The following FCHO2 variants were observed in gnomAD, a reference collection of about 807,000 sequenced individuals.
FCHO2 encodes the protein FCH and mu domain containing endocytic adaptor 2, also known as F-BAR domain only protein 2.
Under a neutral mutation model 114.1 loss-of-function variants are expected in FCHO2, and 43 were observed. That is an observed-to-expected ratio of 0.38 (90% confidence interval 0.30 to 0.49). The LOEUF (loss-of-function observed/expected upper bound fraction) is 0.49. Ranked by LOEUF, FCHO2 falls within the 20% of genes least tolerant of loss-of-function variation. FCHO2 has a pLI of 0.97. For synonymous variants in FCHO2, 293 were observed against 315.2 expected (o/e 0.93, Z 0.75); for missense variants, 807 against 950.4 (o/e 0.85, Z 1.98).
At position 73,081,966 on chromosome 5, in the gene FCHO2, C is replaced by A; in HGVS notation, c.2164C>A (p.Leu722Ile). 1 of 1,536,020 alleles carries A rather than the reference C, an allele frequency of 6.5e-7. No homozygotes were observed. The highest frequency in any genetic ancestry group is 8.8e-7 in the Non-Finnish European group (1 of 1,137,660). The change falls in exon 23 of 26, where the codon CTT becomes ATT. Residue 722 changes from leucine to isoleucine, a missense_variant. Coordinates refer to ENST00000430046, the MANE Select transcript of FCHO2 (RefSeq NM_138782.3). Reference sequence around the variant, plus strand: ...TGGAGGAGTAACGAACATGCAGTCCCTTCCCCCTGCAATATGGTAAATTAA... The same window carrying A: ...TGGAGGAGTAACGAACATGCAGTCCATTCCCCCTGCAATATGGTAAATTAA... The part of the protein sequence containing the change: ...VDGGVTNMQS[L>I]PPAIWNAEQM...
chr5:73,074,474 C>CT (rs1335140763), intron 19 of FCHO2, among the ~76,000 whole-genome samples: 1 of 151,824 alleles, frequency 6.6e-6, no homozygotes, highest in Non-Finnish European at 1.5e-5. Flanking sequence ...TAGTCAAGGG[C>CT]TTTTTTATTC....
At chr5:72,957,740 C>T (rs1579988911) in intron 1 of FCHO2, among the ~76,000 whole-genome samples, 1 of 152,132 alleles carries the variant, frequency 6.6e-6, no homozygotes, top group East Asian at 1.9e-4. Context: ...CTATGTTTAA[C>T]ATTTTGAGGA....
chr5:73,001,606 A>G (rs1190713033), intron 5 of FCHO2, among the ~76,000 whole-genome samples: 1 of 150,488 alleles, frequency 6.6e-6, no homozygotes. Flanking sequence ...TTGATTTGTA[A>G]TTTCCTTAGG....
intron 2 of FCHO2, among the ~76,000 whole-genome samples, chr5:72,971,494 GTCT>G (rs1468390066): frequency 6.6e-6 from 1 of 152,180 alleles, no homozygotes; most frequent in Non-Finnish European, 1.5e-5. Context: ...CTGCATAAAT[GTCT>G]TCTTTTGAGA....
At chr5:73,038,961 C>T (rs1756667527) in intron 10 of FCHO2, among the ~76,000 whole-genome samples, 2 of 152,228 alleles carry the variant, frequency 1.3e-5, no homozygotes, top group East Asian at 1.9e-4. Flanking sequence ...GGTTTCATTA[C>T]TGTTCATGTA....
At chr5:72,971,358 A>G (rs1481961917) in intron 2 of FCHO2, among the ~76,000 whole-genome samples, 4 of 151,730 alleles carry the variant, frequency 2.6e-5, no homozygotes, top group Non-Finnish European at 1.5e-5. Flanking sequence ...CCTCTCCAGC[A>G]CCTGTTGTTT....
intron 6 of FCHO2, among the ~76,000 whole-genome samples, chr5:73,008,854 A>G (rs933054316): frequency 1.3e-5 from 2 of 152,222 alleles, no homozygotes; most frequent in African/African-American, 4.8e-5. Context: ...GGTATATGGC[A>G]TTCTAAATAA....
rs1751973276 is a variant in FCHO2 at position 72,963,234 on chromosome 5, A to ACTG, written c.34-5264_34-5263insCTG. Among the ~76,000 whole-genome samples, 4 of 152,166 alleles carry ACTG rather than the reference A, an allele frequency of 2.6e-5. No individual in the cohort carries two copies. The South Asian group carries it at 8.3e-4, about 32-fold the overall frequency. ...AAGTATAATATAAGTAAAGCAAATT[A>ACTG]GTGGTGGTGGTGGAGCCTTAAAACC... On this transcript the variant is annotated intron_variant, in intron 1 of 25. Transcript: ENST00000430046.
chr5:72,997,109 G>C, intron 5 of FCHO2: 1 of 1,169,238 alleles, frequency 8.6e-7, no homozygotes, highest in East Asian at 2.3e-5. Flanking sequence ...CATGGTGCTG[G>C]ATCCGGATGA....
intron 19 of FCHO2, among the ~76,000 whole-genome samples, 186 bp downstream of exon 19, chr5:73,068,965 G>A (rs1742499503): frequency 6.6e-6 from 1 of 152,034 alleles, no homozygotes. Flanking sequence ...TATGTTATCT[G>A]GATAGAAGAA....
chr5:72,958,365 T>C (rs1002619044), intron 1 of FCHO2, among the ~76,000 whole-genome samples: 1 of 152,186 alleles, frequency 6.6e-6, no homozygotes, highest in Non-Finnish European at 1.5e-5. Flanking sequence ...TTGTGTATGG[T>C]GCAAGGGAAA....
rs1477675399 is a variant in FCHO2, at chr5:73,021,405, A to G, written c.796+4097A>G. On this transcript the variant is annotated intron_variant, in intron 8 of 25. Coordinates refer to ENST00000430046, the MANE Select transcript of FCHO2 (RefSeq NM_138782.3). Reference sequence around the variant, plus strand: ...GCAGTCTTAACTTTCTTTTACTCCTATTCAAGTACCTTCACTGAGGCCAAC... The same window carrying G: ...GCAGTCTTAACTTTCTTTTACTCCTGTTCAAGTACCTTCACTGAGGCCAAC... The G allele has an allele frequency of 1.7e-5, 5 of 287,612 alleles. No individual in the cohort carries two copies. In the East Asian group the frequency reaches 3.8e-4, roughly 22 times the overall value. The allele number at this position is 287,612 out of a possible 1,614,324, so 17.8% of individuals were successfully genotyped here. A position where few individuals can be genotyped will look rare whatever the true frequency, so the allele number is the denominator to read the frequency against.
intron 11 of FCHO2, among the ~76,000 whole-genome samples, chr5:73,047,241 T>C (rs1478039559): frequency 6.6e-6 from 1 of 152,208 alleles, no homozygotes; most frequent in Non-Finnish European, 1.5e-5. Context: ...CCTTTGTCTC[T>C]AAATACTTAA....
chr5:73,087,824 T>C (rs1255884733), intron 25 of FCHO2, 71 bp downstream of exon 25: 2 of 1,510,480 alleles, frequency 1.3e-6, no homozygotes, highest in Non-Finnish European at 1.8e-6. Context: ...ATTAAAAAAC[T>C]GTCAAGCAAT....
At chr5:73,048,159 A>T (rs113174252) in intron 11 of FCHO2, among the ~76,000 whole-genome samples, 3 of 151,834 alleles carry the variant, frequency 2.0e-5, no homozygotes, top group African/African-American at 4.8e-5. Flanking sequence ...TATTTTTTTT[A>T]AATATTTTTG....
chr5:73,062,299 C>T (rs908278996), intron 17 of FCHO2, among the ~76,000 whole-genome samples: 2 of 151,966 alleles, frequency 1.3e-5, no homozygotes, highest in East Asian at 1.9e-4. Context: ...TAGCTTTTCT[C>T]GAAAAGCAAA....
intron 2 of FCHO2, among the ~76,000 whole-genome samples, chr5:72,980,640 T>C (rs1343557784): frequency 6.6e-6 from 1 of 152,196 alleles, no homozygotes; most frequent in Non-Finnish European, 1.5e-5. Context: ...CTGTATTAGG[T>C]GCATATATAT....
At chr5:72,977,144 A>T (rs7730388) in intron 2 of FCHO2, among the ~76,000 whole-genome samples, 2,405 of 152,258 alleles carry the variant, frequency 0.016, 62 homozygotes, top group African/African-American at 0.05. Flanking sequence ...TATAGCCAGT[A>T]ATGGGATTGC....
In FCHO2 at chr5:73,087,459, A is replaced by G. The variant is rs899047443; in HGVS notation, c.2246-130A>G. 3 of 984,986 alleles carry G rather than the reference A, an allele frequency of 3.0e-6. No homozygotes were observed. The Admixed American group carries it at 8.7e-5, about 28-fold the overall frequency. 61.0% of individuals were successfully genotyped at this position (984,986 alleles called of 1,614,324 possible). On this transcript the variant is annotated intron_variant, in intron 24 of 25. Coordinates refer to ENST00000430046, the MANE Select transcript of FCHO2 (RefSeq NM_138782.3). ...ATATGAGATTTGGAAACAGGATAAT[A>G]GTTTGTTTACTGTGCACATCTAATG...
Sources: gnomAD v4.1 joint callset for allele counts (sites outside exome capture counted in the v4.1 genomes callset) on GRCh38, gnomAD v4.1.1 for gene constraint, MANE v1.5 for transcripts, NCBI Gene and HGNC (gene_info 2026-07-23, HGNC 2026-07-21) for gene names.